Variants in NXPE2 observed in about 807,000 individuals in gnomAD.
NXPE2 encodes NXPE family member 2.
A neutral mutation model predicts 34.4 loss-of-function variants in NXPE2; 34 were observed. The observed-to-expected ratio is 0.99, with a 90% CI of 0.75 to 1.31. NXPE2 has a LOEUF of 1.31. Ranked by LOEUF, NXPE2 falls within the 40% of genes most tolerant of loss-of-function variation. The pLI, the probability that NXPE2 is intolerant of heterozygous loss-of-function variation, is 0.00. For missense variants in NXPE2, 649 were observed against 672.5 expected, an observed-to-expected ratio of 0.97 and a Z score of 0.39; for synonymous variants, 235 against 231.3, an observed-to-expected ratio of 1.02 and a Z score of -0.15.
At position 114,706,478 on chromosome 11, in the gene NXPE2, T is replaced by TGGAAAAAA; in HGVS notation, c.1229_1236dup (p.His413GlyfsTer16). ...TGTTGAAAGACATATTTTGATTCAG[T>TGGAAAAAA]GGAAAAAACATGGTCATCCATTTGT... On this transcript the variant is annotated frameshift_variant, in exon 6 of 6. Coordinates refer to ENST00000389586, the MANE Select transcript of NXPE2 (RefSeq NM_182495.6). LOFTEE classifies it low-confidence loss of function (END_TRUNC). 1.3e-6 allele frequency: 2 copies of TGGAAAAAA among 1,551,622 alleles called. No homozygotes were observed. The highest frequency in any genetic ancestry group is 3.3e-4 in the Middle Eastern group (2 of 5,992).
At position 114,706,618 on chromosome 11, in the gene NXPE2, C is replaced by A; in HGVS notation, c.1368C>A (p.Pro456=). The A allele has an allele frequency of 6.4e-7, 1 of 1,551,906 alleles. No homozygotes were observed. The highest frequency in any genetic ancestry group is 8.7e-7 in the Non-Finnish European group (1 of 1,147,010). The change falls in exon 6 of 6, where the codon CCC becomes CCA. Residue 456 remains proline (P), a synonymous_variant. Transcript: ENST00000389586. ...IVITLGQHFR[P]FPINIFIRRA... is the part of the protein sequence containing the mutation. The stretch of plus-strand genomic sequence containing the variant: ...TTACCCTCGGCCAACACTTCAGACC[C>A]TTTCCCATCAACATTTTCATCCGTA...
chr11:114,763,615 A>T, the NXPE2 span, among the ~76,000 whole-genome samples: 1 of 152,186 alleles, frequency 6.6e-6, no homozygotes, highest in Non-Finnish European at 1.5e-5. Context: ...CATATCTTAA[A>T]TTCCCCTTAG....
At chr11:114,637,131 A>G in the NXPE2 span, among the ~76,000 whole-genome samples, 2 of 151,712 alleles carry the variant, frequency 1.3e-5, no homozygotes, top group South Asian at 4.2e-4. Context: ...GACTTGCTTT[A>G]TGAATCTAGG....
In NXPE2 at chr11:114,689,415, C is replaced by T. The variant is rs552983291; in HGVS notation, c.133-8630C>T. ...ATTTTGAGAGTTCCTCTTGGTGTTG[C>T]TTTCTATTTTTATTCCATTGTGGTC... On this transcript the variant is annotated intron_variant, in intron 2 of 5. Transcript: ENST00000389586. Among the ~76,000 whole-genome samples the T allele has an allele frequency of 4.0e-5, 6 of 151,820 alleles. No homozygotes were observed. The East Asian group carries it at 1.2e-3, about 29-fold the overall frequency.
the NXPE2 span, among the ~76,000 whole-genome samples, chr11:114,467,637 G>A: frequency 2.0e-5 from 3 of 152,056 alleles, no homozygotes; most frequent in Admixed American, 6.6e-5. Flanking sequence ...CTGCAATGTC[G>A]CTTTTTCAAA....
the NXPE2 span, among the ~76,000 whole-genome samples, chr11:114,614,322 C>G: frequency 6.6e-6 from 1 of 151,490 alleles, no homozygotes; most frequent in East Asian, 2.0e-4. Context: ...CGTAGGTAAC[C>G]ACGGTTACCT....
At chr11:114,554,247 A>G in the NXPE2 span, 4 of 971,296 alleles carry the variant, frequency 4.1e-6, no homozygotes, top group Non-Finnish European at 3.7e-6. Context: ...CCTGGCCTCT[A>G]TTGTATTTGA....
the NXPE2 span, among the ~76,000 whole-genome samples, chr11:114,759,377 T>C: frequency 2.0e-5 from 3 of 152,176 alleles, no homozygotes; most frequent in African/African-American, 7.2e-5. Context: ...ATCTGTAAAA[T>C]GGGGATAATA....
At chr11:114,747,003 T>C in the NXPE2 span, among the ~76,000 whole-genome samples, 1 of 152,116 alleles carries the variant, frequency 6.6e-6, no homozygotes, top group Non-Finnish European at 1.5e-5. Flanking sequence ...CAGAAATCCA[T>C]GTCCCCTATC....
the NXPE2 span, among the ~76,000 whole-genome samples, chr11:114,793,992 C>A: frequency 6.6e-6 from 1 of 152,190 alleles, no homozygotes; most frequent in Non-Finnish European, 1.5e-5. Flanking sequence ...TATAGTCCTA[C>A]ACATAGTCTC....
chr11:114,659,011 A>G, the NXPE2 span, among the ~76,000 whole-genome samples: 8 of 152,312 alleles, frequency 5.3e-5, no homozygotes, highest in Non-Finnish European at 8.8e-5. Context: ...AACACTGAGA[A>G]AAACCCTTTG....
At chr11:114,680,383 G>A (rs1309271819) in intron 2 of NXPE2, among the ~76,000 whole-genome samples, 3 of 152,004 alleles carry the variant, frequency 2.0e-5, no homozygotes, top group Non-Finnish European at 4.4e-5. Flanking sequence ...TCTAACCTTT[G>A]TCTAACACAG....
chr11:114,631,531 G>T, the NXPE2 span, among the ~76,000 whole-genome samples: 1 of 118,228 alleles, frequency 8.5e-6, no homozygotes, highest in African/African-American at 3.2e-5. Flanking sequence ...TGTGGGGTGG[G>T]GGGAGGGGGG....
the NXPE2 span, chr11:114,594,583 G>T: frequency 1.2e-6 from 1 of 861,406 alleles, no homozygotes; most frequent in Non-Finnish European, 1.9e-6. Context: ...TACAAGTCTT[G>T]TAGTTTAGCC....
At chr11:114,673,727 C>T (rs2135519739), upstream of NXPE2, among the ~76,000 whole-genome samples, 1 of 151,956 alleles carries the variant, frequency 6.6e-6, no homozygotes, top group East Asian at 1.9e-4. Context: ...TCATGCAATA[C>T]TGCTTTCCTT....
the NXPE2 span, among the ~76,000 whole-genome samples, chr11:114,591,347 A>C: frequency 6.6e-6 from 1 of 152,206 alleles, no homozygotes; most frequent in African/African-American, 2.4e-5. Context: ...ACTACTAATG[A>C]ATCTACTATA....
chr11:114,676,125 A>G (rs1950855639), upstream of NXPE2, among the ~76,000 whole-genome samples: 1 of 151,992 alleles, frequency 6.6e-6, no homozygotes, highest in Non-Finnish European at 1.5e-5. Flanking sequence ...AGACTTAAAC[A>G]TAGGACCTGA....
At chr11:114,527,724 A>G in the NXPE2 span, 4 of 615,988 alleles carry the variant, frequency 6.5e-6, no homozygotes, top group Non-Finnish European at 5.5e-6. Flanking sequence ...GTCCAGCATG[A>G]TTGACATCAT....
chr11:114,661,188 A>T, the NXPE2 span, among the ~76,000 whole-genome samples: 122 of 152,310 alleles, frequency 8.0e-4, no homozygotes, highest in Non-Finnish European at 1.2e-3. Context: ...AAATTGATCT[A>T]TAGATTCAAT....
Sources: gnomAD v4.1 joint callset for allele counts (sites outside exome capture counted in the v4.1 genomes callset) on GRCh38, gnomAD v4.1.1 for gene constraint, MANE v1.5 for transcripts, NCBI Gene and HGNC (gene_info 2026-07-23, HGNC 2026-07-21) for gene names.